MOB3B: variants seen among roughly 807,000 people sequenced by gnomAD.
The protein encoded by MOB3B is MOB kinase activator 3B, also known as MOB kinase activator-like 2B.
In MOB3B, 7 loss-of-function variants were observed where a neutral mutation model predicts 18.7. The observed-to-expected ratio is 0.37, with a 90% CI of 0.21 to 0.70. The LOEUF (loss-of-function observed/expected upper bound fraction) is 0.70. Among genes scored for constraint, MOB3B ranks in the 30% least tolerant of loss-of-function variants. MOB3B has a pLI of 0.52. For missense variants in MOB3B, 253 were observed against 281.3 expected (o/e 0.90, Z 0.72); for synonymous variants, 111 against 99.9 (o/e 1.11, Z -0.66).
At chr9:27,486,323 A>G (rs551541557) in intron 1 of MOB3B, among the ~76,000 whole-genome samples, 2 of 152,358 alleles carry the variant, frequency 1.3e-5, no homozygotes, top group Non-Finnish European at 2.9e-5. Context: ...ATACCTATCT[A>G]AAGTTTCATT....
At chr9:27,360,537 A>G (rs1481995016) in intron 2 of MOB3B, among the ~76,000 whole-genome samples, 1 of 152,166 alleles carries the variant, frequency 6.6e-6, no homozygotes, top group African/African-American at 2.4e-5. Context: ...AACAACAACA[A>G]AAGAATTACC....
chr9:27,432,876 G>C (rs1822436555), intron 2 of MOB3B, among the ~76,000 whole-genome samples: 1 of 152,132 alleles, frequency 6.6e-6, no homozygotes, highest in African/African-American at 2.4e-5. Flanking sequence ...GAAAAGAAGA[G>C]GAGAAAGGAA....
At position 27,339,670 on chromosome 9, in the gene MOB3B, C is replaced by T. The variant is rs796259595; in HGVS notation, c.622-9054G>A. Among the ~76,000 whole-genome samples the T allele has an allele frequency of 2.6e-5, 4 of 152,244 alleles. No individual in the cohort carries two copies. In the East Asian group the frequency reaches 5.8e-4, roughly 22 times the overall value. On this transcript the variant is annotated intron_variant, in intron 3 of 3. Transcript: ENST00000262244. ...AAGTACCTCGGCCATGGCCACATCACTAATAATTACCCTGGCCAAGGTTGA... is the reference window on the plus strand; with the variant it reads ...AAGTACCTCGGCCATGGCCACATCATTAATAATTACCCTGGCCAAGGTTGA...
chr9:27,393,380 T>G (rs1461328132), intron 2 of MOB3B, among the ~76,000 whole-genome samples: 1 of 151,802 alleles, frequency 6.6e-6, no homozygotes, highest in Non-Finnish European at 1.5e-5. Flanking sequence ...GAAGTGTGTG[T>G]GTGTGTGTGT....
At chr9:27,373,425 A>G (rs189132430) in intron 2 of MOB3B, among the ~76,000 whole-genome samples, 56 of 152,364 alleles carry the variant, frequency 3.7e-4, no homozygotes, top group African/African-American at 1.2e-3. Context: ...GCTAGATACT[A>G]GGGATTCAGC....
intron 2 of MOB3B, among the ~76,000 whole-genome samples, chr9:27,386,268 G>A (rs957398845): frequency 6.6e-6 from 1 of 152,130 alleles, no homozygotes; most frequent in African/African-American, 2.4e-5. Flanking sequence ...TGGGATTGAG[G>A]GGTTTAATTA....
chr9:27,487,132 A>AAAATAAATAAATAAATAAAT (rs56371907), intron 1 of MOB3B, among the ~76,000 whole-genome samples: 31,108 of 144,910 alleles, frequency 0.21, 3,744 homozygotes, highest in East Asian at 0.34. Context: ...TTCTGTCTCA[A>AAAATAAATAAATAAATAAAT]AAATAAATAA....
chr9:27,529,418 C>T (rs979629283), intron 1 of MOB3B, 137 bp downstream of exon 1: 1 of 418,046 alleles, frequency 2.4e-6, no homozygotes, highest in Non-Finnish European at 3.2e-6. Context: ...GGCAGAAGAC[C>T]GGTCCGCCGC....
intron 2 of MOB3B, among the ~76,000 whole-genome samples, chr9:27,443,150 T>C (rs1461604828): frequency 6.6e-6 from 1 of 152,188 alleles, no homozygotes; most frequent in Non-Finnish European, 1.5e-5. Context: ...CAAGGGATCC[T>C]GATGCTGCTG....
At chr9:27,480,283 C>T (rs948240337) in intron 1 of MOB3B, among the ~76,000 whole-genome samples, 1 of 149,966 alleles carries the variant, frequency 6.7e-6, no homozygotes, top group Non-Finnish European at 1.5e-5. Context: ...ACTACAGGCA[C>T]ATGCCACCAT....
intron 2 of MOB3B, among the ~76,000 whole-genome samples, chr9:27,376,668 G>A (rs1821493517): frequency 6.6e-6 from 1 of 152,224 alleles, no homozygotes; most frequent in South Asian, 2.1e-4. Context: ...CTAATGTACA[G>A]CCCTGGTTGA....
intron 1 of MOB3B, among the ~76,000 whole-genome samples, chr9:27,489,957 T>C (rs1286186524): frequency 1.3e-5 from 2 of 152,040 alleles, no homozygotes; most frequent in African/African-American, 4.8e-5. Context: ...TTTAAGGTGG[T>C]GAAACAAGAT....
intron 2 of MOB3B, among the ~76,000 whole-genome samples, chr9:27,454,025 G>C (rs566652079): frequency 3.3e-5 from 5 of 152,092 alleles, no homozygotes; most frequent in African/African-American, 9.7e-5. Flanking sequence ...AAGTATGAGG[G>C]AACTGGACAA....
At chr9:27,528,058 A>G (rs561902077) in intron 1 of MOB3B, among the ~76,000 whole-genome samples, 1 of 152,282 alleles carries the variant, frequency 6.6e-6, no homozygotes, top group East Asian at 1.9e-4. Flanking sequence ...TTTTTCTACA[A>G]TGAAGAAAGG....
chr9:27,410,077 T>C (rs1264997939), intron 2 of MOB3B, among the ~76,000 whole-genome samples: 1 of 152,190 alleles, frequency 6.6e-6, no homozygotes, highest in Non-Finnish European at 1.5e-5. Flanking sequence ...GTGAAAATGG[T>C]AAGTTTTATG....
chr9:27,480,519 C>G (rs963824859), intron 1 of MOB3B, among the ~76,000 whole-genome samples: 1 of 152,134 alleles, frequency 6.6e-6, no homozygotes. Flanking sequence ...CCAGGATGGT[C>G]TTGATCTCCT....
chr9:27,480,903 A>C (rs2131477146), intron 1 of MOB3B, among the ~76,000 whole-genome samples: 1 of 152,310 alleles, frequency 6.6e-6, no homozygotes, highest in South Asian at 2.1e-4. Flanking sequence ...CAATACAAGC[A>C]CTGACTCTAT....
intron 1 of MOB3B, among the ~76,000 whole-genome samples, chr9:27,511,148 T>G (rs186510772): frequency 7.9e-5 from 12 of 152,144 alleles, no homozygotes; most frequent in Admixed American, 6.5e-5. Context: ...TTAAAAGTCT[T>G]TCTCAAAAAA....
At chr9:27,520,199 G>A (rs1820303095) in intron 1 of MOB3B, among the ~76,000 whole-genome samples, 2 of 152,198 alleles carry the variant, frequency 1.3e-5, no homozygotes. Context: ...AGACTGAAAT[G>A]TCTCATCTCC....
Sources: allele counts gnomAD v4.1 joint callset (sites outside exome capture counted in the v4.1 genomes callset), GRCh38; gene constraint gnomAD v4.1.1; transcripts MANE v1.5; gene names NCBI Gene and HGNC (gene_info 2026-07-23, HGNC 2026-07-21).